The following SYN3 variants were observed in gnomAD, a reference collection of about 807,000 sequenced individuals.
SYN3 encodes synapsin-3.
SYN3 carries 35 observed loss-of-function variants against 65.8 expected under a neutral mutation model. The observed-to-expected ratio is 0.53, with a 90% confidence interval of 0.41 to 0.70. The LOEUF (loss-of-function observed/expected upper bound fraction) is 0.70, where lower values mean the gene tolerates loss of function less well. SYN3 is among the 30% of genes least tolerant of loss of function. The pLI is 0.00. For missense variants in SYN3, 680 were observed against 749.0 expected (o/e 0.91, Z 1.08); for synonymous variants, 270 against 292.9 (o/e 0.92, Z 0.80).
chr22:32,967,055 A>C (rs1201446085), intron 3 of SYN3, among the ~76,000 whole-genome samples: 1 of 152,228 alleles, frequency 6.6e-6, no homozygotes, highest in African/African-American at 2.4e-5. Context: ...GGGGGAACTC[A>C]TAGTACCTGT....
At chr22:33,001,708 C>A (rs1010824526) in intron 2 of SYN3, among the ~76,000 whole-genome samples, 6 of 152,212 alleles carry the variant, frequency 3.9e-5, no homozygotes, top group Non-Finnish European at 8.8e-5. Flanking sequence ...GTTATACTAA[C>A]TCAGATCTTA....
chr22:33,031,783 C>T (rs923922620), intron 1 of SYN3, among the ~76,000 whole-genome samples: 1 of 152,156 alleles, frequency 6.6e-6, no homozygotes, highest in Non-Finnish European at 1.5e-5. Context: ...TGCATCCTTT[C>T]TTGGCCAAGA....
intron 4 of SYN3, among the ~76,000 whole-genome samples, chr22:32,885,954 G>A (rs765027899): frequency 2.8e-4 from 43 of 152,092 alleles, no homozygotes; most frequent in Non-Finnish European, 5.0e-4. Flanking sequence ...ACCAGAAAGG[G>A]GCCTATGTTT....
At position 32,644,101 on chromosome 22, in the gene SYN3, A is replaced by AAAAG. The variant is rs368236821; in HGVS notation, c.712-47366_712-47365insCTTT. Among the ~76,000 whole-genome samples the AAAAG allele has an allele frequency of 1.1e-4, 8 of 71,214 alleles. 3 individuals carry two copies. The highest frequency in any genetic ancestry group is 5.0e-4 in the East Asian group (1 of 1,990). The allele number at this position is 71,214 out of a possible 152,430, so 46.7% of individuals were successfully genotyped here. Reference sequence around the variant, plus strand: ...AAAAAAAAAAAAAAAAAAAAAAAAAAAGCGACAAGACTGACTGATGATGGG... The same window carrying AAAAG: ...AAAAAAAAAAAAAAAAAAAAAAAAAAAAAGAGCGACAAGACTGACTGATGATGGG... On this transcript the variant is annotated intron_variant, in intron 6 of 13. Transcript: ENST00000358763.
intron 6 of SYN3, among the ~76,000 whole-genome samples, chr22:32,626,097 G>C (rs2059662408): frequency 6.6e-6 from 1 of 152,130 alleles, no homozygotes; most frequent in Non-Finnish European, 1.5e-5. Flanking sequence ...AATGGTTGGG[G>C]GTAGAGGGAG....
intron 3 of SYN3, among the ~76,000 whole-genome samples, chr22:32,975,608 T>A (rs5998679): frequency 0.21 from 31,490 of 152,088 alleles, 3,715 homozygotes; most frequent in Non-Finnish European, 0.27. Context: ...GCACTCTCCC[T>A]CTCACTGAGG....
chr22:32,899,504 G>A (rs1416018146), intron 4 of SYN3, among the ~76,000 whole-genome samples: 1 of 152,202 alleles, frequency 6.6e-6, no homozygotes, highest in Non-Finnish European at 1.5e-5. Flanking sequence ...GAGCGTGTGT[G>A]CAGGGAATGA....
intron 6 of SYN3, among the ~76,000 whole-genome samples, chr22:32,792,709 G>C (rs2046349077): frequency 6.6e-6 from 1 of 152,192 alleles, no homozygotes; most frequent in Admixed American, 6.5e-5. Context: ...TCACTTGCCT[G>C]CAGATAAAGC....
intron 6 of SYN3, among the ~76,000 whole-genome samples, chr22:32,843,248 G>A (rs2047965485): frequency 6.6e-6 from 1 of 152,192 alleles, no homozygotes; most frequent in Admixed American, 6.5e-5. Context: ...CACCTAAGAG[G>A]CATTCGATAA....
intron 6 of SYN3, among the ~76,000 whole-genome samples, chr22:32,765,648 G>A (rs576314306): frequency 1.2e-4 from 18 of 152,264 alleles, no homozygotes; most frequent in Non-Finnish European, 2.2e-4. Context: ...ACACGTGAGC[G>A]TTAAGAGTTT....
rs143700093 is a variant in SYN3, at chr22:32,832,527, C to T, written c.711+32388G>A. Among the ~76,000 whole-genome samples the T allele has an allele frequency of 8.8e-5, 13 of 148,560 alleles. No homozygotes were observed. The East Asian group carries it at 2.5e-3, about 29-fold the overall frequency. On this transcript the variant is annotated intron_variant, in intron 6 of 13. Coordinates refer to ENST00000358763, the MANE Select transcript of SYN3 (RefSeq NM_003490.4). ...TCTTCTTGCTATTCAATACTTTCTA[C>T]GTAATAAGCCTGGGTTTTTTTTTTT...
At chr22:32,669,665 A>G (rs1296639761) in intron 6 of SYN3, among the ~76,000 whole-genome samples, 1 of 152,194 alleles carries the variant, frequency 6.6e-6, no homozygotes, top group Non-Finnish European at 1.5e-5. Flanking sequence ...AGAACTCCTA[A>G]TTTGTAGTTT....
At chr22:32,896,434 C>T (rs146736197) in intron 4 of SYN3, among the ~76,000 whole-genome samples, 9 of 152,252 alleles carry the variant, frequency 5.9e-5, no homozygotes, top group East Asian at 1.9e-4. Flanking sequence ...CCAGCCTGGG[C>T]AACAGAGTAA....
At chr22:32,686,013 A>C (rs1395564197) in intron 6 of SYN3, among the ~76,000 whole-genome samples, 1 of 152,180 alleles carries the variant, frequency 6.6e-6, no homozygotes, top group Non-Finnish European at 1.5e-5. Flanking sequence ...TATCAAGCAA[A>C]ACTAGCAGGA....
intron 4 of SYN3, among the ~76,000 whole-genome samples, chr22:32,898,475 T>G (rs1309476474): frequency 6.6e-6 from 1 of 152,232 alleles, no homozygotes; most frequent in Non-Finnish European, 1.5e-5. Context: ...TACTCATCTG[T>G]TGTCCACCTA....
At chr22:32,777,819 C>T (rs2045945650) in intron 6 of SYN3, among the ~76,000 whole-genome samples, 1 of 152,104 alleles carries the variant, frequency 6.6e-6, no homozygotes, top group African/African-American at 2.4e-5. Flanking sequence ...TACTTAAATG[C>T]TAGCTTTGGG....
intron 6 of SYN3, among the ~76,000 whole-genome samples, chr22:32,776,180 C>T (rs1406421574): frequency 6.6e-6 from 1 of 152,142 alleles, no homozygotes; most frequent in Non-Finnish European, 1.5e-5. Context: ...AGGAAAGGAT[C>T]TCCCCTAGAG....
intron 1 of SYN3, among the ~76,000 whole-genome samples, chr22:33,048,337 C>G (rs558168399): frequency 1.3e-5 from 2 of 152,192 alleles, no homozygotes; most frequent in South Asian, 4.1e-4. Flanking sequence ...TATGGCAACA[C>G]TGCATCTTAT....
At chr22:32,914,856 T>C (rs1270382488) in intron 4 of SYN3, among the ~76,000 whole-genome samples, 2 of 152,168 alleles carry the variant, frequency 1.3e-5, no homozygotes. Context: ...AGGAAGGCTA[T>C]AGAGATTTCT....
Sources: allele counts gnomAD v4.1 joint callset (sites outside exome capture counted in the v4.1 genomes callset), GRCh38; gene constraint gnomAD v4.1.1; transcripts MANE v1.5; gene names NCBI Gene and HGNC (gene_info 2026-07-23, HGNC 2026-07-21).